Variants in DMGDH observed in about 807,000 individuals in gnomAD.
DMGDH encodes dimethylglycine dehydrogenase, also known as dimethylglycine dehydrogenase, mitochondrial.
DMGDH carries 76 observed loss-of-function variants against 95.2 expected under a neutral mutation model. The observed-to-expected ratio is 0.80, with a 90% CI of 0.66 to 0.97. The LOEUF (loss-of-function observed/expected upper bound fraction) is 0.97. Ranked by LOEUF, DMGDH falls within the 50% of genes least tolerant of loss-of-function variation. The pLI is 0.00. For synonymous variants in DMGDH, 345 were observed against 377.6 expected (o/e 0.91, Z 1.00); for missense variants, 987 against 1,055.0 (o/e 0.94, Z 0.89).
At chr5:79,053,842 C>T (rs1036279632) in intron 4 of DMGDH, among the ~76,000 whole-genome samples, 1 of 152,188 alleles carries the variant, frequency 6.6e-6, no homozygotes, top group Non-Finnish European at 1.5e-5. Context: ...TCTTTCTAGA[C>T]ATTTATCATA....
At chr5:79,000,815 C>T (rs1753439366) in intron 15 of DMGDH, 3 of 629,376 alleles carry the variant, frequency 4.8e-6, no homozygotes, top group African/African-American at 1.8e-5. Flanking sequence ...AGCAGGTACT[C>T]TCACCGAACC....
intron 2 of DMGDH, among the ~76,000 whole-genome samples, chr5:79,057,255 T>A (rs1755059500): frequency 6.6e-6 from 1 of 152,212 alleles, no homozygotes; most frequent in African/African-American, 2.4e-5. Context: ...GAAAAAGAAT[T>A]CTAAGCAATT....
At chr5:79,001,558 G>A (rs1753455379) in intron 15 of DMGDH, among the ~76,000 whole-genome samples, 1 of 152,168 alleles carries the variant, frequency 6.6e-6, no homozygotes, top group Non-Finnish European at 1.5e-5. Flanking sequence ...GAAGAGTTAA[G>A]CTGGTTTGCT....
chr5:79,009,665 G>A (rs1753612399), intron 14 of DMGDH, among the ~76,000 whole-genome samples: 1 of 152,144 alleles, frequency 6.6e-6, no homozygotes, highest in African/African-American at 2.4e-5. Flanking sequence ...ACCGCACCCA[G>A]CTGGAACACT....
intron 5 of DMGDH, among the ~76,000 whole-genome samples, chr5:79,050,720 G>A (rs768572867): frequency 6.6e-6 from 1 of 152,236 alleles, no homozygotes; most frequent in African/African-American, 2.4e-5. Context: ...ATGAAAATGA[G>A]TGTGTTGTTG....
At chr5:79,052,116 T>A (rs1421072701) in intron 4 of DMGDH, among the ~76,000 whole-genome samples, 2 of 152,258 alleles carry the variant, frequency 1.3e-5, no homozygotes, top group African/African-American at 4.8e-5. Flanking sequence ...TTACATTGAT[T>A]AATTTTTAGA....
intron 5 of DMGDH, among the ~76,000 whole-genome samples, chr5:79,047,144 C>T (rs1465305793): frequency 6.6e-6 from 1 of 152,084 alleles, no homozygotes; most frequent in Non-Finnish European, 1.5e-5. Context: ...GATCACCCAC[C>T]CATTAAGTTC....
intron 14 of DMGDH, among the ~76,000 whole-genome samples, chr5:79,008,514 G>A (rs530279670): frequency 6.6e-6 from 1 of 152,268 alleles, no homozygotes; most frequent in African/African-American, 2.4e-5. Context: ...AGCCCTAATG[G>A]AGCCACTTAA....
In DMGDH at chr5:79,028,561, G is replaced by A. The variant is rs753823392; in HGVS notation, c.1904C>T (p.Pro635Leu). 1.2e-6 allele frequency: 2 copies of A among 1,613,984 alleles called. No individual in the cohort carries two copies. The highest frequency in any genetic ancestry group is 3.3e-5 in the Admixed American group (2 of 60,016). ...DELGVLGVAG[P>L]QARKVLQKLT... ...TTTCTGAAGGACCTTTCTTGCCTGT[G>A]GCCCAGCAACTCCAAGAACTCCAAG... Residue 635 changes from proline to leucine, a missense_variant, in exon 12 of 16, where the codon CCA (proline) becomes CTA (leucine). Transcript: ENST00000255189.
chr5:78,998,894 A>C (rs1190786319), intron 15 of DMGDH, among the ~76,000 whole-genome samples: 1 of 152,196 alleles, frequency 6.6e-6, no homozygotes, highest in Non-Finnish European at 1.5e-5. Flanking sequence ...TAAAAAGGTT[A>C]CTGGAAATCA....
At chr5:79,051,209 C>G in intron 5 of DMGDH, 78 bp downstream of exon 5, 2 of 1,445,752 alleles carry the variant, frequency 1.4e-6, no homozygotes, top group Non-Finnish European at 1.9e-6. Flanking sequence ...CAATGTCCAT[C>G]GTACGAAACA....
At chr5:79,032,600 G>C (rs991875585) in intron 9 of DMGDH, 87 bp downstream of exon 9, 2 of 1,551,754 alleles carry the variant, frequency 1.3e-6, no homozygotes, top group Non-Finnish European at 1.8e-6. Flanking sequence ...GTGGAGCAAT[G>C]GAGTGTAAGG....
chr5:79,019,858 C>G (rs1753822579), intron 14 of DMGDH, among the ~76,000 whole-genome samples: 3 of 152,140 alleles, frequency 2.0e-5, no homozygotes, highest in African/African-American at 7.2e-5. Context: ...GCACTCCAGC[C>G]TGGGCAATAG....
chr5:79,047,173 G>A (rs1168575230), intron 5 of DMGDH, among the ~76,000 whole-genome samples: 1 of 152,088 alleles, frequency 6.6e-6, no homozygotes, highest in Non-Finnish European at 1.5e-5. Context: ...AGAGACAAGT[G>A]TGGAAGACTC....
chr5:79,057,408 C>A (rs2112667505), intron 2 of DMGDH, among the ~76,000 whole-genome samples: 1 of 152,300 alleles, frequency 6.6e-6, no homozygotes, highest in Non-Finnish European at 1.5e-5. Context: ...GTGGGCATTT[C>A]ATCCTCCTGC....
At chr5:79,050,273 A>AATATATATATATAT (rs761250761) in intron 5 of DMGDH, among the ~76,000 whole-genome samples, 17 of 20,926 alleles carry the variant, frequency 8.1e-4, no homozygotes, top group African/African-American at 2.7e-3. Flanking sequence ...AAAAAAAAAA[A>AATATATATATATAT]ATATATATAT....
At chr5:78,999,154 A>C (rs1451609598) in intron 15 of DMGDH, among the ~76,000 whole-genome samples, 1 of 152,238 alleles carries the variant, frequency 6.6e-6, no homozygotes, top group Non-Finnish European at 1.5e-5. Context: ...CCTGGTGATC[A>C]TTCAGCTGCC....
intron 7 of DMGDH, among the ~76,000 whole-genome samples, chr5:79,035,444 A>T (rs1754322102): frequency 8.5e-5 from 13 of 152,232 alleles, no homozygotes; most frequent in Admixed American, 8.5e-4. Context: ...CAGAGGCTAA[A>T]TAAAGTCACA....
At chr5:79,030,326 G>A (rs1354718316) in intron 10 of DMGDH, among the ~76,000 whole-genome samples, 2 of 152,182 alleles carry the variant, frequency 1.3e-5, no homozygotes, top group Non-Finnish European at 2.9e-5. Context: ...GTCCTTGGAT[G>A]AGAATTCACT....
Sources: gnomAD v4.1 joint callset for allele counts (sites outside exome capture counted in the v4.1 genomes callset) on GRCh38, gnomAD v4.1.1 for gene constraint, MANE v1.5 for transcripts, NCBI Gene and HGNC (gene_info 2026-07-23, HGNC 2026-07-21) for gene names.